ARL3: variants seen among roughly 807,000 people sequenced by gnomAD.
ARL3 encodes the protein ARF like GTPase 3.
ARL3 carries 9 observed loss-of-function variants against 26.0 expected under a neutral mutation model. The observed-to-expected ratio is 0.35, with a 90% CI of 0.21 to 0.60. The LOEUF is 0.60. ARL3 is among the 20% of genes least tolerant of loss of function. The pLI, the probability that ARL3 is intolerant of heterozygous loss-of-function variation, is 0.78. For synonymous variants in ARL3, 71 were observed against 78.4 expected, an observed-to-expected ratio of 0.91 and a Z score of 0.50; for missense variants, 158 against 215.7, an observed-to-expected ratio of 0.73 and a Z score of 1.67.
In ARL3 at chr10:102,685,962, C is replaced by T. The variant is rs1428393158; in HGVS notation, c.355G>A (p.Val119Met). Residue 119 changes from valine (V) to methionine (M), a missense_variant, in exon 5 of 6, where the codon GTG (valine) becomes ATG (methionine). Physicochemically the swap from Val to Met is conservative, Grantham distance 21 (BLOSUM62 1). Transcript: ENST00000260746. ...ELLEEEKLSC[V>M]PVLIFANKQD... ...TTATTAGCAAAGATGAGCACTGGCACACAACTTAGTTTTTCTTCCTCCAGT... is the reference window on the plus strand; with the variant it reads ...TTATTAGCAAAGATGAGCACTGGCATACAACTTAGTTTTTCTTCCTCCAGT... The T allele has an allele frequency of 6.2e-7, 1 of 1,613,638 alleles. No homozygotes were observed. The highest frequency in any genetic ancestry group is 1.3e-5 in the African/African-American group (1 of 74,878).
At chr10:102,680,605 T>C (rs530659688) in intron 5 of ARL3, among the ~76,000 whole-genome samples, 2 of 152,366 alleles carry the variant, frequency 1.3e-5, no homozygotes, top group South Asian at 4.1e-4. Context: ...GGTGCACTGC[T>C]TCTTTCCAAG....
At chr10:102,685,249 C>CAAA (rs66482677) in intron 5 of ARL3, among the ~76,000 whole-genome samples, 66,892 of 105,112 alleles carry the variant, frequency 0.64, 21,792 homozygotes, top group African/African-American at 0.65. Context: ...AACTCCGTCT[C>CAAA]AAAAAAAAAA....
In ARL3 at chr10:102,676,533, TTTTTC is replaced by T; in HGVS notation, c.*356_*360del. On this transcript the variant is annotated 3_prime_UTR_variant, in exon 6 of 6. Coordinates refer to ENST00000260746, the MANE Select transcript of ARL3 (RefSeq NM_004311.4). ...GCAAAGCTGCTTCTTCCTCTTTTTC[TTTTTC>T]TTTTTTTTTTTTTGAGAGGAAAAAA... The T allele has an allele frequency of 5.7e-6, 1 of 174,680 alleles. No individual in the cohort carries two copies. Among genetic ancestry groups the T allele is most frequent in the South Asian group, 1.1e-4 (1 of 9,300 alleles). The allele number at this position is 174,680 out of a possible 1,614,324, so 10.8% of individuals were successfully genotyped here. A position where few individuals can be genotyped will look rare whatever the true frequency, so the allele number is the denominator to read the frequency against.
At chr10:102,708,908 A>ATATATATATATATATATTTTTTT in intron 1 of ARL3, among the ~76,000 whole-genome samples, 1 of 95,348 alleles carries the variant, frequency 1.0e-5, no homozygotes, top group African/African-American at 4.2e-5. Context: ...ATATATATAT[A>ATATATATATATATATATTTTTTT]TTTTTTTTTT....
intron 1 of ARL3, among the ~76,000 whole-genome samples, chr10:102,711,662 C>A (rs903327268): frequency 6.6e-6 from 1 of 152,072 alleles, no homozygotes; most frequent in South Asian, 2.1e-4. Context: ...GAGGCTAAGG[C>A]AGGAGAATGG....
intron 1 of ARL3, among the ~76,000 whole-genome samples, chr10:102,706,278 T>C (rs534261678): frequency 1.6e-4 from 25 of 152,188 alleles, no homozygotes; most frequent in African/African-American, 5.3e-4. Flanking sequence ...GGTGAAACCC[T>C]GTCTCTACAA....
chr10:102,684,086 T>C (rs1481670077), intron 5 of ARL3, among the ~76,000 whole-genome samples: 1 of 152,184 alleles, frequency 6.6e-6, no homozygotes, highest in Non-Finnish European at 1.5e-5. Context: ...ACAAACTATA[T>C]TGCTTTTCTT....
chr10:102,706,553 T>C (rs1286082922), intron 1 of ARL3, among the ~76,000 whole-genome samples: 6 of 152,236 alleles, frequency 3.9e-5, no homozygotes, highest in South Asian at 2.1e-4. Flanking sequence ...GTGCATGGTA[T>C]AGATAATCTG....
intron 1 of ARL3, among the ~76,000 whole-genome samples, chr10:102,711,837 T>C (rs888780163): frequency 6.6e-6 from 1 of 152,138 alleles, no homozygotes; most frequent in African/African-American, 2.4e-5. Context: ...AATGAGGTCA[T>C]GTATGTAAAG....
intron 4 of ARL3, among the ~76,000 whole-genome samples, chr10:102,686,257 AGACAGG>A (rs1236845670): frequency 6.6e-6 from 1 of 151,614 alleles, no homozygotes; most frequent in Non-Finnish European, 1.5e-5. Context: ...TTTTTAGTAG[AGACAGG>A]GTTTTGCCAC....
At chr10:102,687,320 A>G (rs1481689170) in intron 4 of ARL3, among the ~76,000 whole-genome samples, 2 of 151,416 alleles carry the variant, frequency 1.3e-5, no homozygotes, top group Non-Finnish European at 2.9e-5. Context: ...TGCAGGCTCA[A>G]CCTCCTGGGC....
At chr10:102,709,042 C>A (rs2064324942) in intron 1 of ARL3, among the ~76,000 whole-genome samples, 1 of 150,886 alleles carries the variant, frequency 6.6e-6, no homozygotes, top group Non-Finnish European at 1.5e-5. Flanking sequence ...GTAGCTGGGA[C>A]TATAGATGTG....
chr10:102,701,377 G>A (rs1212226735), intron 2 of ARL3, among the ~76,000 whole-genome samples: 1 of 152,180 alleles, frequency 6.6e-6, no homozygotes, highest in African/African-American at 2.4e-5. Flanking sequence ...TGGCACAGAA[G>A]GAGAAGGCAC....
intron 2 of ARL3, among the ~76,000 whole-genome samples, chr10:102,705,081 C>T (rs1476855365): frequency 6.6e-6 from 1 of 152,160 alleles, no homozygotes; most frequent in Non-Finnish European, 1.5e-5. Context: ...TCACTGTACC[C>T]GTTAAACAAT....
At position 102,708,109 on chromosome 10, in the gene ARL3, T is replaced by C. The variant is rs1441263704; in HGVS notation, c.4-2620A>G. 2.6e-5 allele frequency among the ~76,000 whole-genome samples: 4 copies of C among 151,998 alleles called. No individual in the cohort carries two copies. The East Asian group carries it at 7.7e-4, about 29-fold the overall frequency. On this transcript the variant is annotated intron_variant, in intron 1 of 5. Transcript: ENST00000260746. The stretch of plus-strand genomic sequence containing the variant: ...TTGTATTTTTTGTAGAGATGGGGTT[T>C]TGCCATGTTGCCCAGGCTGGTCTTG...
At chr10:102,682,809 C>A (rs1246500769) in intron 5 of ARL3, among the ~76,000 whole-genome samples, 2 of 152,016 alleles carry the variant, frequency 1.3e-5, no homozygotes, top group Non-Finnish European at 2.9e-5. Context: ...TATTTTTAAA[C>A]CTTTGTACAT....
intron 5 of ARL3, 68 bp from the exon 6 acceptor site, chr10:102,677,009 AGGG>A: frequency 6.4e-7 from 1 of 1,562,362 alleles, no homozygotes; most frequent in Non-Finnish European, 8.8e-7. Context: ...TCTAGCCTGG[AGGG>A]GCGGGCAGTG....
intron 5 of ARL3, among the ~76,000 whole-genome samples, chr10:102,684,600 G>A (rs1056231595): frequency 1.1e-4 from 16 of 151,932 alleles, no homozygotes; most frequent in African/African-American, 3.9e-4. Flanking sequence ...ATGTGCAATC[G>A]GAGTAAAATA....
chr10:102,700,051 C>A (rs1032044842), intron 2 of ARL3, among the ~76,000 whole-genome samples: 3 of 152,170 alleles, frequency 2.0e-5, no homozygotes, highest in African/African-American at 7.2e-5. Context: ...TCGAATATAT[C>A]AGCCCAGTAG....
Sources: allele counts gnomAD v4.1 joint callset (sites outside exome capture counted in the v4.1 genomes callset), GRCh38; gene constraint gnomAD v4.1.1; transcripts MANE v1.5; gene names NCBI Gene and HGNC (gene_info 2026-07-23, HGNC 2026-07-21).